Variants in ADARB2 observed in about 807,000 individuals in gnomAD.
ADARB2 encodes the protein inactive double-stranded RNA-specific editase B2.
In ADARB2, 25 loss-of-function variants were observed where a neutral mutation model predicts 62.2. The observed-to-expected ratio is 0.40, with a 90% CI of 0.29 to 0.56. The LOEUF is 0.56. Among genes scored for constraint, ADARB2 ranks in the 20% least tolerant of loss-of-function variants. The pLI is 0.43. For missense variants in ADARB2, 1,071 were observed against 1,077.4 expected, an observed-to-expected ratio of 0.99 and a Z score of 0.08; for synonymous variants, 572 against 500.8, an observed-to-expected ratio of 1.14 and a Z score of -1.90.
chr10:1,305,367 C>G (rs529417882), intron 3 of ADARB2, among the ~76,000 whole-genome samples: 31 of 152,134 alleles, frequency 2.0e-4, no homozygotes, highest in African/African-American at 7.2e-4. Context: ...AGTTGAATCT[C>G]TGAATAGACC....
chr10:1,703,818 T>C (rs1323379340), intron 1 of ADARB2, among the ~76,000 whole-genome samples: 2 of 152,198 alleles, frequency 1.3e-5, no homozygotes, highest in African/African-American at 4.8e-5. Flanking sequence ...CCACCAAATC[T>C]TTTGACCACT....
At chr10:1,199,892 G>A in intron 8 of ADARB2, 74 bp downstream of exon 8, 1 of 1,391,058 alleles carries the variant, frequency 7.2e-7, no homozygotes, top group Middle Eastern at 2.6e-4. Context: ...GCGAGGGATG[G>A]CACCGCCGGG....
At chr10:1,643,927 A>G (rs1379118549) in intron 1 of ADARB2, among the ~76,000 whole-genome samples, 1 of 152,112 alleles carries the variant, frequency 6.6e-6, no homozygotes, top group East Asian at 1.9e-4. Flanking sequence ...AGTAATGTGA[A>G]AGTAGGGCGG....
intron 7 of ADARB2, among the ~76,000 whole-genome samples, chr10:1,212,107 C>T (rs1482485545): frequency 6.6e-6 from 1 of 152,204 alleles, no homozygotes; most frequent in African/African-American, 2.4e-5. Context: ...ACTCCACTCT[C>T]CACAGAGCCC....
chr10:1,347,919 C>CAG (rs1378425811), intron 3 of ADARB2, among the ~76,000 whole-genome samples: 12 of 151,298 alleles, frequency 7.9e-5, no homozygotes, highest in Non-Finnish European at 1.6e-4. Flanking sequence ...GAGACAGAGA[C>CAG]AGACACAGAG....
intron 6 of ADARB2, among the ~76,000 whole-genome samples, chr10:1,228,854 C>A (rs948120190): frequency 6.6e-6 from 1 of 152,230 alleles, no homozygotes; most frequent in Non-Finnish European, 1.5e-5. Flanking sequence ...TGCCTCCAAG[C>A]CCTTTCTACA....
At chr10:1,191,057 C>G (rs1836836331) in intron 8 of ADARB2, among the ~76,000 whole-genome samples, 1 of 150,692 alleles carries the variant, frequency 6.6e-6, no homozygotes, top group African/African-American at 2.5e-5. Context: ...CACTCTGGGC[C>G]CCACACTGAG....
chr10:1,222,193 CT>C (rs1264603900), intron 6 of ADARB2, among the ~76,000 whole-genome samples: 12 of 152,140 alleles, frequency 7.9e-5, no homozygotes, highest in African/African-American at 2.9e-4. Context: ...TTTCATGTGT[CT>C]TTTGGCTGCA....
At chr10:1,284,381 G>A (rs1177382754) in intron 3 of ADARB2, among the ~76,000 whole-genome samples, 1 of 152,110 alleles carries the variant, frequency 6.6e-6, no homozygotes, top group Non-Finnish European at 1.5e-5. Context: ...TTTGCTTCAA[G>A]CACCCTAGAT....
At chr10:1,413,093 A>G (rs1162112798) in intron 1 of ADARB2, among the ~76,000 whole-genome samples, 1 of 152,202 alleles carries the variant, frequency 6.6e-6, no homozygotes, top group East Asian at 1.9e-4. Flanking sequence ...CCAGCCATGC[A>G]TACTCTAGAA....
intron 1 of ADARB2, among the ~76,000 whole-genome samples, chr10:1,414,773 AC>A (rs1291770605): frequency 2.0e-5 from 3 of 152,064 alleles, no homozygotes; most frequent in African/African-American, 7.2e-5. Flanking sequence ...GGACTTTGTC[AC>A]CCCCATGACC....
intron 8 of ADARB2, among the ~76,000 whole-genome samples, chr10:1,190,945 G>A (rs779458765): frequency 9.2e-5 from 14 of 152,236 alleles, no homozygotes; most frequent in East Asian, 1.9e-4. Context: ...AGTGAGCAGC[G>A]CTCTTCCGGA....
chr10:1,266,360 C>T (rs1327274115), intron 4 of ADARB2, among the ~76,000 whole-genome samples: 1 of 152,188 alleles, frequency 6.6e-6, no homozygotes, highest in Non-Finnish European at 1.5e-5. Context: ...TGGTAGTTGG[C>T]CAAGCATCCT....
At chr10:1,184,381 T>A (rs876631) in intron 9 of ADARB2, among the ~76,000 whole-genome samples, 1 of 152,060 alleles carries the variant, frequency 6.6e-6, no homozygotes, top group Non-Finnish European at 1.5e-5. Context: ...GAAGGAGAAA[T>A]TTGCTCCTAA....
chr10:1,609,959 G>A (rs1228699146), intron 1 of ADARB2, among the ~76,000 whole-genome samples: 1 of 152,214 alleles, frequency 6.6e-6, no homozygotes, highest in Non-Finnish European at 1.5e-5. Context: ...AGATGCTTCT[G>A]CTTAGCATAA....
At chr10:1,565,818 G>A (rs1486789408) in intron 1 of ADARB2, among the ~76,000 whole-genome samples, 6 of 151,992 alleles carry the variant, frequency 3.9e-5, no homozygotes, top group African/African-American at 9.7e-5. Context: ...GGGACATTTC[G>A]GTCATCTGTC....
chr10:1,416,696 G>A (rs1832804904), intron 1 of ADARB2, among the ~76,000 whole-genome samples: 1 of 152,254 alleles, frequency 6.6e-6, no homozygotes. Context: ...CCCTTGTGGG[G>A]TCTGGGATGA....
intron 1 of ADARB2, among the ~76,000 whole-genome samples, chr10:1,462,922 A>C (rs1831197634): frequency 6.6e-6 from 1 of 151,470 alleles, no homozygotes; most frequent in African/African-American, 2.4e-5. Flanking sequence ...GAAGGAGATA[A>C]CTGATAAATA....
At chr10:1,364,585 C>A (rs1051821304) in intron 2 of ADARB2, among the ~76,000 whole-genome samples, 5 of 152,112 alleles carry the variant, frequency 3.3e-5, no homozygotes, top group Non-Finnish European at 7.4e-5. Flanking sequence ...AGAAAGTATT[C>A]GGGAAAAAAT....
Sources: gnomAD v4.1 joint callset for allele counts (sites outside exome capture counted in the v4.1 genomes callset) on GRCh38, gnomAD v4.1.1 for gene constraint, MANE v1.5 for transcripts, NCBI Gene and HGNC (gene_info 2026-07-23, HGNC 2026-07-21) for gene names.